Variants in CTNNA3 observed in about 807,000 individuals in gnomAD.
CTNNA3 encodes the protein catenin alpha-3.
Under a neutral mutation model 95.7 loss-of-function variants are expected in CTNNA3, and 76 were observed. The observed-to-expected ratio is 0.79, with a 90% CI of 0.66 to 0.96. CTNNA3 has a LOEUF of 0.96. CTNNA3 is among the 40% of genes least tolerant of loss of function. The pLI is 0.00. For synonymous variants in CTNNA3, 431 were observed against 374.4 expected (o/e 1.15, Z -1.74); for missense variants, 1,191 against 1,089.8 (o/e 1.09, Z -1.31).
At chr10:67,511,065 T>G (rs1163027340) in intron 5 of CTNNA3, among the ~76,000 whole-genome samples, 1 of 152,198 alleles carries the variant, frequency 6.6e-6, no homozygotes, top group Non-Finnish European at 1.5e-5. Flanking sequence ...TTTGCTGAAG[T>G]TTTTTATCAG....
chr10:66,676,129 A>G (rs1334590603), intron 9 of CTNNA3, among the ~76,000 whole-genome samples: 2 of 150,262 alleles, frequency 1.3e-5, no homozygotes, highest in Non-Finnish European at 3.0e-5. Flanking sequence ...ACACACACAC[A>G]ACTGCAATTT....
chr10:67,008,983 T>C (rs1399178733), intron 7 of CTNNA3, among the ~76,000 whole-genome samples: 1 of 152,188 alleles, frequency 6.6e-6, no homozygotes, highest in Non-Finnish European at 1.5e-5. Context: ...TGGTATATAC[T>C]TTCTTGTACT....
intron 7 of CTNNA3, among the ~76,000 whole-genome samples, chr10:67,086,529 C>T (rs1564881538): frequency 6.6e-6 from 1 of 151,956 alleles, no homozygotes; most frequent in Non-Finnish European, 1.5e-5. Flanking sequence ...CCAAGTCCTG[C>T]CAAAGCAGGA....
At position 66,560,351 on chromosome 10, in the gene CTNNA3, T is replaced by C. The variant is rs373527946; in HGVS notation, c.1375-39578A>G. The stretch of plus-strand genomic sequence containing the variant: ...CTACCTCATGGCACTGTTGTCATAA[T>C]TGAATTGCCTACAAAGCACTTGATT... On this transcript the variant is annotated intron_variant, in intron 10 of 17. Coordinates refer to ENST00000433211, the MANE Select transcript of CTNNA3 (RefSeq NM_013266.4). Among the ~76,000 whole-genome samples, 55 of 152,192 alleles carry C rather than the reference T, an allele frequency of 3.6e-4. 2 individuals carry two copies. In the South Asian group the frequency reaches 0.011, roughly 30 times the overall value.
rs1862207419 is a variant in CTNNA3 at position 67,175,679 on chromosome 10, C to T, written c.1047+4638G>A. On this transcript the variant is annotated intron_variant, in intron 7 of 17. Transcript: ENST00000433211. ...TCTCTCACTCAGTTCTAATAATCCC[C>T]TATAGTCATGTATCACCTGAATATT... 2.0e-5 allele frequency among the ~76,000 whole-genome samples: 3 copies of T among 152,230 alleles called. No individual in the cohort carries two copies. The South Asian group carries it at 6.2e-4, about 32-fold the overall frequency.
In CTNNA3 at chr10:67,696,089, G is replaced by C. The variant is rs1480911103; in HGVS notation, c.-95C>G. ...AAGAGCTTTGTGGGGGACGGAAAAA[G>C]GCTTCTTGGTGGTCACAGAGTTACA... is the stretch of plus-strand genomic sequence containing the variant. On this transcript the variant is annotated 5_prime_UTR_variant, in exon 1 of 18. Transcript: ENST00000433211. 2.0e-5 allele frequency: 3 copies of C among 152,076 alleles called. No individual in the cohort carries two copies. The highest frequency in any genetic ancestry group is 7.2e-5 in the African/African-American group (3 of 41,416). The allele number at this position is 152,076 out of a possible 1,614,324, so 9.4% of individuals were successfully genotyped here. A position where few individuals can be genotyped will look rare whatever the true frequency, so the allele number is the denominator to read the frequency against.
At chr10:66,373,907 T>C (rs1181765620) in intron 12 of CTNNA3, among the ~76,000 whole-genome samples, 2 of 152,252 alleles carry the variant, frequency 1.3e-5, no homozygotes, top group South Asian at 2.1e-4. Flanking sequence ...TTTCTGGAAG[T>C]GGCTAAGATC....
intron 9 of CTNNA3, among the ~76,000 whole-genome samples, chr10:66,708,602 G>GA (rs1848194444): frequency 1.3e-5 from 2 of 152,040 alleles, no homozygotes; most frequent in African/African-American, 4.8e-5. Context: ...TGAGGAGGAG[G>GA]AAGGAAGAGA....
intron 12 of CTNNA3, among the ~76,000 whole-genome samples, chr10:66,313,009 C>A (rs1436767321): frequency 6.6e-6 from 1 of 152,102 alleles, no homozygotes; most frequent in East Asian, 1.9e-4. Flanking sequence ...TGAAATCACA[C>A]AAATCATAAC....
chr10:66,477,961 T>A (rs1163837351), intron 11 of CTNNA3, among the ~76,000 whole-genome samples: 9 of 152,110 alleles, frequency 5.9e-5, no homozygotes, highest in Admixed American at 3.9e-4. Flanking sequence ...AAGACTTGTG[T>A]GAGTCAGACA....
At chr10:67,733,424 C>T (rs1328360353) in intron 1 of CTNNA3, among the ~76,000 whole-genome samples, 1 of 152,096 alleles carries the variant, frequency 6.6e-6, no homozygotes, top group East Asian at 1.9e-4. Context: ...ACTCTACATC[C>T]GTAGATCATA....
intron 7 of CTNNA3, among the ~76,000 whole-genome samples, chr10:66,969,440 T>C (rs1358624226): frequency 1.3e-5 from 2 of 152,156 alleles, no homozygotes; most frequent in African/African-American, 4.8e-5. Flanking sequence ...ATGTATAATA[T>C]CAAAAAGTTG....
chr10:67,350,916 A>ATATG (rs1842609926), intron 5 of CTNNA3, among the ~76,000 whole-genome samples: 2 of 149,420 alleles, frequency 1.3e-5, no homozygotes, highest in Non-Finnish European at 3.0e-5. Flanking sequence ...ATGTGTATAT[A>ATATG]TATATATATA....
chr10:66,319,579 G>A (rs1484972585), intron 12 of CTNNA3, among the ~76,000 whole-genome samples: 1 of 152,094 alleles, frequency 6.6e-6, no homozygotes, highest in Non-Finnish European at 1.5e-5. Flanking sequence ...TGTTTAAGCA[G>A]CTATATCTTA....
intron 7 of CTNNA3, among the ~76,000 whole-genome samples, chr10:66,791,381 CCTT>C (rs905753581): frequency 6.6e-6 from 1 of 152,136 alleles, no homozygotes; most frequent in Non-Finnish European, 1.5e-5. Flanking sequence ...CATGTCATTC[CCTT>C]CTTCTCCACA....
intron 11 of CTNNA3, among the ~76,000 whole-genome samples, chr10:66,393,258 T>C (rs1332341762): frequency 6.6e-6 from 1 of 152,082 alleles, no homozygotes; most frequent in Non-Finnish European, 1.5e-5. Context: ...TTTTTCCAGA[T>C]GGTAAAACTA....
chr10:66,137,114 T>A (rs2083396480), intron 13 of CTNNA3, among the ~76,000 whole-genome samples: 1 of 152,094 alleles, frequency 6.6e-6, no homozygotes, highest in Admixed American at 6.6e-5. Context: ...CCAGCCTAGT[T>A]CACATAATTT....
intron 1 of CTNNA3, among the ~76,000 whole-genome samples, chr10:67,670,653 G>A (rs1385384505): frequency 1.3e-5 from 2 of 152,062 alleles, no homozygotes; most frequent in African/African-American, 2.4e-5. Flanking sequence ...TTATCCCCCT[G>A]GGTCTTGGGT....
At chr10:67,205,073 G>A (rs2394348) in intron 6 of CTNNA3, among the ~76,000 whole-genome samples, 2 of 151,982 alleles carry the variant, frequency 1.3e-5, no homozygotes, top group African/African-American at 4.8e-5. Flanking sequence ...TCATCTCTTC[G>A]TAACCTGGTG....
Sources: gnomAD v4.1 joint callset for allele counts (sites outside exome capture counted in the v4.1 genomes callset) on GRCh38, gnomAD v4.1.1 for gene constraint, MANE v1.5 for transcripts, NCBI Gene and HGNC (gene_info 2026-07-23, HGNC 2026-07-21) for gene names.